CCBE1: variants seen among roughly 807,000 people sequenced by gnomAD.
CCBE1 encodes collagen and calcium-binding EGF domain-containing protein 1.
CCBE1 carries 37 observed loss-of-function variants against 50.0 expected under a neutral mutation model. That is an observed-to-expected ratio of 0.74 (90% CI 0.57 to 0.97). The LOEUF is 0.97. Among genes scored for constraint, CCBE1 ranks in the 50% least tolerant of loss-of-function variants. The pLI is 0.00. For missense variants in CCBE1, 538 were observed against 523.8 expected, an observed-to-expected ratio of 1.03 and a Z score of -0.26; for synonymous variants, 234 against 203.7, an observed-to-expected ratio of 1.15 and a Z score of -1.27.
chr18:59,552,893 T>G (rs1001167246), intron 2 of CCBE1, among the ~76,000 whole-genome samples: 3 of 152,228 alleles, frequency 2.0e-5, no homozygotes, highest in Non-Finnish European at 4.4e-5. Flanking sequence ...AAACTTCCTC[T>G]GATCTATAAT....
intron 2 of CCBE1, among the ~76,000 whole-genome samples, chr18:59,538,161 CT>C (rs1447082119): frequency 6.6e-6 from 1 of 152,194 alleles, no homozygotes; most frequent in African/African-American, 2.4e-5. Context: ...ATATTTAACT[CT>C]ATTATTGAAT....
chr18:59,502,602 C>T (rs1232799545), intron 2 of CCBE1, among the ~76,000 whole-genome samples: 3 of 152,256 alleles, frequency 2.0e-5, no homozygotes, highest in South Asian at 4.1e-4. Context: ...ATTAAACACT[C>T]GCCTGGTAAA....
Position 59,432,543 on chromosome 18 carries a change from A to G in CCBE1, c.*3365T>C, listed in dbSNP as rs1162648429. ...GTTAAAAGATACATTAGAAATAATGATGCCTTATGATGTCCTATCTTTGAA... is the reference window on the plus strand; with the variant it reads ...GTTAAAAGATACATTAGAAATAATGGTGCCTTATGATGTCCTATCTTTGAA... On this transcript the variant is annotated 3_prime_UTR_variant, in exon 11 of 11. Transcript: ENST00000439986. 6.6e-6 allele frequency: 1 copy of G among 152,250 alleles called. No individual in the cohort carries two copies. The highest frequency in any genetic ancestry group is 1.5e-5 in the Non-Finnish European group (1 of 68,036). The allele number at this position is 152,250 out of a possible 1,614,324, so 9.4% of individuals were successfully genotyped here. A position where few individuals can be genotyped will look rare whatever the true frequency, so the allele number is the denominator to read the frequency against.
chr18:59,467,499 C>T (rs1446064878), intron 4 of CCBE1, among the ~76,000 whole-genome samples: 3 of 152,122 alleles, frequency 2.0e-5, no homozygotes, highest in African/African-American at 4.8e-5. Context: ...AAATTTCTGC[C>T]TCATCAAGAA....
intron 2 of CCBE1, among the ~76,000 whole-genome samples, chr18:59,531,110 G>A (rs1944992): frequency 0.28 from 42,024 of 151,844 alleles, 6,018 homozygotes; most frequent in African/African-American, 0.33. Context: ...ATACATCTGA[G>A]TACTCCATGT....
rs181920232 is a variant in CCBE1, at chr18:59,455,068, G to A, written c.554-117C>T. On this transcript the variant is annotated intron_variant, in intron 5 of 10. Transcript: ENST00000439986. ...GAGTAGCTGACAGCGGGACATGCGAGGGCTCAACTGTGGGTGATTTTACAG... is the reference window on the plus strand; with the variant it reads ...GAGTAGCTGACAGCGGGACATGCGAAGGCTCAACTGTGGGTGATTTTACAG... The A allele has an allele frequency of 2.1e-4, 165 of 786,690 alleles. 1 individual carries two copies. In the African/African-American group the frequency reaches 2.4e-3, roughly 12 times the overall value. The allele number at this position is 786,690 out of a possible 1,614,324, so 48.7% of individuals were successfully genotyped here. A position where few individuals can be genotyped will look rare whatever the true frequency, so the allele number is the denominator to read the frequency against.
At chr18:59,482,901 T>C (rs1455464772) in intron 2 of CCBE1, among the ~76,000 whole-genome samples, 3 of 151,954 alleles carry the variant, frequency 2.0e-5, no homozygotes, top group African/African-American at 7.2e-5. Context: ...AGAAGTATTT[T>C]TTTTTGTAAC....
intron 2 of CCBE1, among the ~76,000 whole-genome samples, chr18:59,618,784 T>TA (rs2053672245): frequency 1.3e-5 from 2 of 152,170 alleles, no homozygotes; most frequent in Admixed American, 1.3e-4. Flanking sequence ...TCTGTATCTC[T>TA]ACTTAGGATA....
At chr18:59,575,392 CT>C in intron 2 of CCBE1, among the ~76,000 whole-genome samples, 1 of 152,292 alleles carries the variant, frequency 6.6e-6, no homozygotes. Context: ...GGAAAGTGCA[CT>C]TTTCTAGGTT....
At chr18:59,472,662 T>C (rs1403355826) in intron 3 of CCBE1, among the ~76,000 whole-genome samples, 2 of 152,224 alleles carry the variant, frequency 1.3e-5, no homozygotes, top group Non-Finnish European at 2.9e-5. Context: ...TCCATGAATG[T>C]GCATTCACCA....
Position 59,648,340 on chromosome 18 carries a change from G to A in CCBE1, c.212+48289C>T, listed in dbSNP as rs189174881. On this transcript the variant is annotated intron_variant, in intron 2 of 10. Transcript: ENST00000439986. Reference sequence around the variant, plus strand: ...ACATAAATGCTTGGAGAACCGGGTGGCTGGGCCTCACAGAACCCTGTGACA... The same window carrying A: ...ACATAAATGCTTGGAGAACCGGGTGACTGGGCCTCACAGAACCCTGTGACA... 1.9e-3 allele frequency among the ~76,000 whole-genome samples: 287 copies of A among 152,314 alleles called. 1 individual carries two copies. Among genetic ancestry groups the A allele is most frequent in the African/African-American group, 6.5e-3 (269 of 41,558 alleles).
chr18:59,693,199 G>A (rs761598839), intron 2 of CCBE1, among the ~76,000 whole-genome samples: 3 of 152,086 alleles, frequency 2.0e-5, no homozygotes, highest in Non-Finnish European at 4.4e-5. Context: ...CCTCCTAAAT[G>A]CCACCCTACT....
At chr18:59,515,820 G>A (rs976924192) in intron 2 of CCBE1, among the ~76,000 whole-genome samples, 2 of 152,088 alleles carry the variant, frequency 1.3e-5, no homozygotes, top group African/African-American at 2.4e-5. Flanking sequence ...TAATCTCCCC[G>A]AACCTCAGTT....
chr18:59,446,142 A>G (rs1910658012), intron 7 of CCBE1, among the ~76,000 whole-genome samples: 1 of 152,248 alleles, frequency 6.6e-6, no homozygotes, highest in Admixed American at 6.5e-5. Flanking sequence ...CTGTTGCAAA[A>G]GCTTATTCAT....
At chr18:59,595,114 CAA>C (rs546035209) in intron 2 of CCBE1, among the ~76,000 whole-genome samples, 17 of 73,536 alleles carry the variant, frequency 2.3e-4, no homozygotes, top group Non-Finnish European at 2.0e-4. Flanking sequence ...GACTCTGTCT[CAA>C]AAAAAAAAAA....
rs1037711156 is a variant in CCBE1 at position 59,431,903 on chromosome 18, CTG to C, written c.*4003_*4004del. 2 of 152,246 alleles carry C rather than the reference CTG, an allele frequency of 1.3e-5. No individual in the cohort carries two copies. Among genetic ancestry groups the C allele is most frequent in the African/African-American group, 4.8e-5 (2 of 41,446 alleles). The allele number at this position is 152,246 out of a possible 1,614,324, so 9.4% of individuals were successfully genotyped here. On this transcript the variant is annotated 3_prime_UTR_variant, in exon 11 of 11. Transcript: ENST00000439986. ...ACAGTATAGCTTATAATTTCTCCCTCTGGAACTGGGAAGGGAGGGGGGTTTCC... is the reference window on the plus strand; with the variant it reads ...ACAGTATAGCTTATAATTTCTCCCTCGAACTGGGAAGGGAGGGGGGTTTCC...
chr18:59,495,743 A>C (rs1489463882), intron 2 of CCBE1, among the ~76,000 whole-genome samples: 4 of 151,846 alleles, frequency 2.6e-5, no homozygotes, highest in Admixed American at 2.6e-4. Flanking sequence ...GTGCCTTTAG[A>C]TGTGGCACGC....
chr18:59,628,770 C>G (rs371979996), intron 2 of CCBE1, among the ~76,000 whole-genome samples: 1 of 152,174 alleles, frequency 6.6e-6, no homozygotes, highest in Non-Finnish European at 1.5e-5. Context: ...GGAACAAAAT[C>G]CATGCTGAAC....
At chr18:59,492,733 A>G (rs1351741453) in intron 2 of CCBE1, among the ~76,000 whole-genome samples, 1 of 152,222 alleles carries the variant, frequency 6.6e-6, no homozygotes, top group East Asian at 1.9e-4. Context: ...CAGAAGCCCA[A>G]TACACATCCA....
Sources: gnomAD v4.1 joint callset for allele counts (sites outside exome capture counted in the v4.1 genomes callset) on GRCh38, gnomAD v4.1.1 for gene constraint, MANE v1.5 for transcripts, NCBI Gene and HGNC (gene_info 2026-07-23, HGNC 2026-07-21) for gene names.